The following OCA2 variants were observed in gnomAD, a reference collection of about 807,000 sequenced individuals.
The protein encoded by OCA2 is P protein.
A neutral mutation model predicts 100.2 loss-of-function variants in OCA2; 77 were observed. The ratio of observed to expected loss-of-function variants is 0.77; its 90% CI spans 0.64 to 0.93. OCA2 has a LOEUF of 0.93. Ranked by LOEUF, OCA2 falls within the 40% of genes least tolerant of loss-of-function variation. The pLI is 0.00. For missense variants in OCA2, 1,062 were observed against 1,089.1 expected, an observed-to-expected ratio of 0.98 and a Z score of 0.35; for synonymous variants, 432 against 439.2, an observed-to-expected ratio of 0.98 and a Z score of 0.21.
intron 2 of OCA2, among the ~76,000 whole-genome samples, chr15:28,042,171 A>T (rs1285245933): frequency 3.3e-5 from 5 of 152,146 alleles, no homozygotes; most frequent in Admixed American, 1.3e-4. Context: ...AAACAAGAGA[A>T]ATTTGCACAG....
chr15:27,972,948 C>T (rs1180629585), intron 14 of OCA2, among the ~76,000 whole-genome samples: 1 of 151,810 alleles, frequency 6.6e-6, no homozygotes, highest in African/African-American at 2.4e-5. Context: ...TCACTGCAAC[C>T]TCTGCCTCCC....
At chr15:27,901,693 A>T (rs2140180487) in intron 19 of OCA2, among the ~76,000 whole-genome samples, 1 of 152,368 alleles carries the variant, frequency 6.6e-6, no homozygotes, top group East Asian at 1.9e-4. Flanking sequence ...CCTAAATGTC[A>T]ACAAAAGGGG....
intron 18 of OCA2, among the ~76,000 whole-genome samples, chr15:27,948,603 C>G (rs1324469953): frequency 6.6e-6 from 1 of 152,040 alleles, no homozygotes; most frequent in Non-Finnish European, 1.5e-5. Flanking sequence ...GTAGCTGAGA[C>G]TACAGGCGTG....
chr15:27,885,924 T>C (rs1202605628), intron 19 of OCA2, among the ~76,000 whole-genome samples: 1 of 152,216 alleles, frequency 6.6e-6, no homozygotes, highest in Non-Finnish European at 1.5e-5. Context: ...AGAGCATTAT[T>C]ACAATGTGTC....
At chr15:27,840,173 G>T in intron 23 of OCA2, among the ~76,000 whole-genome samples, 1 of 151,768 alleles carries the variant, frequency 6.6e-6, no homozygotes, top group East Asian at 1.9e-4. Context: ...AAAAACTAAA[G>T]AACAGCAAAG....
chr15:28,073,723 C>G (rs1319633373), intron 2 of OCA2, among the ~76,000 whole-genome samples: 1 of 152,172 alleles, frequency 6.6e-6, no homozygotes, highest in Non-Finnish European at 1.5e-5. Flanking sequence ...TGTAACAAAT[C>G]TGCACATGGG....
At chr15:27,825,118 G>T (rs1401603921) in intron 23 of OCA2, among the ~76,000 whole-genome samples, 1 of 152,182 alleles carries the variant, frequency 6.6e-6, no homozygotes, top group Non-Finnish European at 1.5e-5. Context: ...ATGGCTTTGG[G>T]TGATGCTCTT....
chr15:27,797,370 C>A (rs2033388741), intron 23 of OCA2, among the ~76,000 whole-genome samples: 1 of 152,126 alleles, frequency 6.6e-6, no homozygotes, highest in Admixed American at 6.5e-5. Flanking sequence ...CCGTACCCTC[C>A]AGACACAGAG....
intron 19 of OCA2, among the ~76,000 whole-genome samples, chr15:27,917,928 C>T (rs184197232): frequency 6.6e-6 from 1 of 152,074 alleles, no homozygotes; most frequent in African/African-American, 2.4e-5. Flanking sequence ...GAACTGGCTT[C>T]CTTAAGGTTA....
chr15:27,841,844 A>G (rs2035354749), intron 23 of OCA2, among the ~76,000 whole-genome samples: 1 of 152,240 alleles, frequency 6.6e-6, no homozygotes, highest in African/African-American at 2.4e-5. Context: ...ACATGAGTCT[A>G]TTGTTAGCCA....
At chr15:27,786,229 T>C (rs1450552265) in intron 23 of OCA2, among the ~76,000 whole-genome samples, 1 of 152,174 alleles carries the variant, frequency 6.6e-6, no homozygotes, top group Non-Finnish European at 1.5e-5. Flanking sequence ...CCCTACACCT[T>C]TGTTCTTCTT....
intron 23 of OCA2, among the ~76,000 whole-genome samples, chr15:27,808,627 A>G (rs2033953873): frequency 6.6e-6 from 1 of 152,138 alleles, no homozygotes; most frequent in Admixed American, 6.5e-5. Context: ...GGATATTTAG[A>G]AAAACGTGAC....
chr15:28,040,669 A>T (rs1053584237), intron 2 of OCA2, among the ~76,000 whole-genome samples: 4 of 152,150 alleles, frequency 2.6e-5, no homozygotes, highest in Admixed American at 6.5e-5. Flanking sequence ...ACCAATTTTT[A>T]AAAAATAAAA....
At chr15:27,855,833 A>T (rs2035928563) in intron 21 of OCA2, among the ~76,000 whole-genome samples, 1 of 152,236 alleles carries the variant, frequency 6.6e-6, no homozygotes, top group African/African-American at 2.4e-5. Flanking sequence ...AAGATGGCAG[A>T]GCAGGAAGCT....
At chr15:27,877,054 A>G (rs760445138) in intron 19 of OCA2, among the ~76,000 whole-genome samples, 6 of 151,968 alleles carry the variant, frequency 3.9e-5, no homozygotes, top group Non-Finnish European at 5.9e-5. Flanking sequence ...CTTTAGGTGC[A>G]CTCAAAAATT....
intron 2 of OCA2, among the ~76,000 whole-genome samples, chr15:28,056,974 GC>G (rs976622850): frequency 7.2e-5 from 11 of 152,184 alleles, no homozygotes; most frequent in Non-Finnish European, 1.6e-4. Context: ...ACCCTCTCAG[GC>G]CCCCCTCCTA....
intron 2 of OCA2, among the ~76,000 whole-genome samples, chr15:28,075,042 G>A (rs1345465057): frequency 6.6e-6 from 1 of 152,154 alleles, no homozygotes; most frequent in Non-Finnish European, 1.5e-5. Flanking sequence ...ATGCCTAAAT[G>A]TAAAACCTAA....
intron 9 of OCA2, among the ~76,000 whole-genome samples, chr15:28,011,965 G>C (rs530663559): frequency 6.7e-6 from 1 of 149,224 alleles, no homozygotes; most frequent in Non-Finnish European, 1.5e-5. Context: ...TGTAATCCCA[G>C]CGCTTTGTCT....
chr15:27,777,717 T>A lies in OCA2; in HGVS notation c.2433-22245A>T, dbSNP rs148042332. Among the ~76,000 whole-genome samples, 867 of 152,030 alleles carry A rather than the reference T, an allele frequency of 5.7e-3. 15 individuals are homozygous for A. The highest frequency in any genetic ancestry group is 0.02 in the African/African-American group (811 of 41,458). On this transcript the variant is annotated intron_variant, in intron 23 of 23. Transcript: ENST00000354638. The stretch of plus-strand genomic sequence containing the variant: ...ACTCTAGCCCCAATGCCTTGGAGAG[T>A]CTGTAAGCCATGAGCTGGCCCAGGG...
Sources: gnomAD v4.1 joint callset for allele counts (sites outside exome capture counted in the v4.1 genomes callset) on GRCh38, gnomAD v4.1.1 for gene constraint, MANE v1.5 for transcripts, NCBI Gene and HGNC (gene_info 2026-07-23, HGNC 2026-07-21) for gene names.